OR2L5: variants seen among roughly 807,000 people sequenced by gnomAD.
OR2L5 encodes the protein olfactory receptor 2L5.
For synonymous variants in OR2L5, 169 were observed against 142.0 expected (o/e 1.19, Z -1.35); for missense variants, 413 against 381.6 (o/e 1.08, Z -0.69).
In OR2L5 at chr1:248,015,234, G is replaced by A. The variant is rs141380885; in HGVS notation, c.-22+1496G>A. On this transcript the variant is annotated intron_variant, in intron 1 of 1. Transcript: ENST00000355281. ...ATTAAATAAGATCAGTTATTCCTAC[G>A]TCAGTTAAACACAACATTATGTACT... is the stretch of plus-strand genomic sequence containing the variant. 8.0e-3 allele frequency among the ~76,000 whole-genome samples: 1,224 copies of A among 152,170 alleles called. 11 individuals are homozygous for A. Among genetic ancestry groups the A allele is most frequent in the African/African-American group, 0.027 (1,131 of 41,514 alleles).
In OR2L5 at chr1:248,024,170, C is replaced by G. The variant is rs1662417828; in HGVS notation, c.*1284C>G. On this transcript the variant is annotated 3_prime_UTR_variant, in exon 2 of 2. Transcript: ENST00000355281. ...ATAAACCCGTCATCTAAGTTTTAAG[C>G]CCCATATGCTTTAGGTATTTGTCCT... 1 of 152,022 alleles carries G rather than the reference C, an allele frequency of 6.6e-6. No individual in the cohort carries two copies. Among genetic ancestry groups the G allele is most frequent in the Non-Finnish European group, 1.5e-5 (1 of 68,012 alleles). 9.4% of individuals were successfully genotyped at this position (152,022 alleles called of 1,614,324 possible).
intron 1 of OR2L5, among the ~76,000 whole-genome samples, chr1:248,015,982 A>G (rs923340670): frequency 9.9e-5 from 15 of 152,132 alleles, no homozygotes; most frequent in South Asian, 2.1e-4. Flanking sequence ...TTGGTTCCCA[A>G]CTCTATCACT....
chr1:248,022,981 A>G lies in OR2L5; in HGVS notation c.*95A>G. 1.8e-6 allele frequency: 2 copies of G among 1,126,196 alleles called. No homozygotes were observed. Among genetic ancestry groups the G allele is most frequent in the East Asian group, 2.4e-5 (1 of 41,728 alleles). 69.8% of individuals were successfully genotyped at this position (1,126,196 alleles called of 1,614,324 possible). On this transcript the variant is annotated 3_prime_UTR_variant, in exon 2 of 2. Coordinates refer to ENST00000355281, the MANE Select transcript of OR2L5 (RefSeq NM_001258284.2). Reference sequence around the variant, plus strand: ...AACATTATTACATGCCCAGTATGTCAAACAGAGATTAATCCAGAATGTTTG... The same window carrying G: ...AACATTATTACATGCCCAGTATGTCGAACAGAGATTAATCCAGAATGTTTG...
At chr1:248,020,690 C>A (rs1662313473) in intron 1 of OR2L5, among the ~76,000 whole-genome samples, 4 of 152,086 alleles carry the variant, frequency 2.6e-5, no homozygotes, top group Admixed American at 2.6e-4. Context: ...AATAATAATT[C>A]ATTCTACATT....
At position 248,022,893 on chromosome 1, in the gene OR2L5, G is replaced by A. The variant is rs778925202; in HGVS notation, c.*7G>A. On this transcript the variant is annotated 3_prime_UTR_variant, in exon 2 of 2. Coordinates refer to ENST00000355281, the MANE Select transcript of OR2L5 (RefSeq NM_001258284.2). ...CTTCTCGGTGAAAATGTAGACATAC[G>A]TTCTGTGTTAGAGTCAAAGCGCTAG... 12 of 1,595,372 alleles carry A rather than the reference G, an allele frequency of 7.5e-6. No individual in the cohort carries two copies. The highest frequency in any genetic ancestry group is 3.4e-5 in the South Asian group (3 of 88,184).
intron 1 of OR2L5, among the ~76,000 whole-genome samples, chr1:248,020,170 CAA>C (rs1354792376): frequency 6.6e-6 from 1 of 152,130 alleles, no homozygotes; most frequent in Non-Finnish European, 1.5e-5. Context: ...TGGAACAAGA[CAA>C]GGATGCCCAC....
In OR2L5 at chr1:248,023,030, A is replaced by C; in HGVS notation, c.*144A>C. Reference sequence around the variant, plus strand: ...TGTCTTTTAATTTAGTCTTGACATTATAGTTGCATATTCTAAGACATCTAT... The same window carrying C: ...TGTCTTTTAATTTAGTCTTGACATTCTAGTTGCATATTCTAAGACATCTAT... On this transcript the variant is annotated 3_prime_UTR_variant, in exon 2 of 2. Coordinates refer to ENST00000355281, the MANE Select transcript of OR2L5 (RefSeq NM_001258284.2). 1 of 719,530 alleles carries C rather than the reference A, an allele frequency of 1.4e-6. No homozygotes were observed. The highest frequency in any genetic ancestry group is 2.2e-6 in the Non-Finnish European group (1 of 451,988). The allele number at this position is 719,530 out of a possible 1,614,324, so 44.6% of individuals were successfully genotyped here.
intron 1 of OR2L5, among the ~76,000 whole-genome samples, chr1:248,014,994 C>T (rs1195192853): frequency 1.3e-5 from 2 of 152,252 alleles, no homozygotes; most frequent in African/African-American, 4.8e-5. Flanking sequence ...CACTTTCTGT[C>T]TATCCATGAA....
intron 1 of OR2L5, among the ~76,000 whole-genome samples, chr1:248,016,575 G>A (rs1000147238): frequency 2.0e-5 from 3 of 151,954 alleles, no homozygotes; most frequent in Non-Finnish European, 2.9e-5. Context: ...TAATGATTAT[G>A]TATTTCAGTA....
chr1:248,020,957 A>G (rs985922100), intron 1 of OR2L5, among the ~76,000 whole-genome samples: 1 of 151,788 alleles, frequency 6.6e-6, no homozygotes, highest in Non-Finnish European at 1.5e-5. Flanking sequence ...TTCAAGAAGG[A>G]AATATAAGTT....
chr1:248,018,004 A>C (rs1248357133), intron 1 of OR2L5, among the ~76,000 whole-genome samples: 1 of 152,034 alleles, frequency 6.6e-6, no homozygotes, highest in Non-Finnish European at 1.5e-5. Flanking sequence ...ATATAAAAAA[A>C]ATTAGCCTGG....
chr1:248,016,937 A>G (rs1337621426), intron 1 of OR2L5, among the ~76,000 whole-genome samples: 1 of 152,112 alleles, frequency 6.6e-6, no homozygotes, highest in Non-Finnish European at 1.5e-5. Flanking sequence ...GATTAAATCT[A>G]ATGGAATTAT....
chr1:248,017,789 T>C (rs1662233746), intron 1 of OR2L5, among the ~76,000 whole-genome samples: 1 of 152,170 alleles, frequency 6.6e-6, no homozygotes, highest in African/African-American at 2.4e-5. Context: ...CCTGATTTGC[T>C]TCGTGATTCC....
At chr1:248,015,485 CT>C (rs962068698) in intron 1 of OR2L5, among the ~76,000 whole-genome samples, 68 of 152,272 alleles carry the variant, frequency 4.5e-4, no homozygotes, top group African/African-American at 1.5e-3. Context: ...GGAATTCAGG[CT>C]GACTTACGAA....
rs1341211208 is a variant in OR2L5 at position 248,022,945 on chromosome 1, C to T, written c.*59C>T. ...TTCATATCAACTCAGCAGTGTACAG[C>T]AGTGAAGAAAAACATTATTACATGC... On this transcript the variant is annotated 3_prime_UTR_variant, in exon 2 of 2. Transcript: ENST00000355281. 6.2e-6 allele frequency: 9 copies of T among 1,451,504 alleles called. No homozygotes were observed. The allele number at this position is 1,451,504 out of a possible 1,614,324, so 89.9% of individuals were successfully genotyped here. A position where few individuals can be genotyped will look rare whatever the true frequency, so the allele number is the denominator to read the frequency against.
chr1:248,022,578 A>G lies in OR2L5; in HGVS notation c.631A>G (p.Thr211Ala). The change falls in exon 2 of 2, where the codon ACT (threonine) becomes GCT (alanine). Residue 211 changes from threonine to alanine, a missense_variant. Physicochemically the swap from Thr to Ala is moderately conservative, Grantham distance 58. Transcript: ENST00000355281. Reference sequence around the variant, plus strand: ...CACCATCTTTCTTGTGTTTCCCTTCACTGGCATTGCGTGTTCCTATGGCTG... The same window carrying G: ...CACCATCTTTCTTGTGTTTCCCTTCGCTGGCATTGCGTGTTCCTATGGCTG... ...SSTIFLVFPF[T>A]GIACSYGWVL... 6.2e-7 allele frequency: 1 copy of G among 1,614,050 alleles called. No homozygotes were observed. The highest frequency in any genetic ancestry group is 8.5e-7 in the Non-Finnish European group (1 of 1,180,010).
intron 1 of OR2L5, among the ~76,000 whole-genome samples, chr1:248,015,608 G>C (rs1050070759): frequency 4.6e-5 from 7 of 152,120 alleles, no homozygotes; most frequent in Non-Finnish European, 1.0e-4. Flanking sequence ...CAGAGTTTCA[G>C]AACTTTAGGA....
chr1:248,021,850 A>T, intron 1 of OR2L5, 77 bp from the exon 2 acceptor site: 1 of 875,478 alleles, frequency 1.1e-6, no homozygotes, highest in Non-Finnish European at 1.8e-6. Flanking sequence ...TCAGGCATTC[A>T]CTGGAGGCCT....
chr1:248,018,955 T>C (rs907794855), intron 1 of OR2L5, among the ~76,000 whole-genome samples: 5 of 152,202 alleles, frequency 3.3e-5, no homozygotes. Flanking sequence ...AGTTCATCTA[T>C]GTTGTAGCAT....
Sources: allele counts gnomAD v4.1 joint callset (sites outside exome capture counted in the v4.1 genomes callset), GRCh38; gene constraint gnomAD v4.1.1; transcripts MANE v1.5; gene names NCBI Gene and HGNC (gene_info 2026-07-23, HGNC 2026-07-21).